The following DENND1A variants were observed in gnomAD, a reference collection of about 807,000 sequenced individuals.
DENND1A encodes the protein DENN domain-containing protein 1A.
DENND1A carries 51 observed loss-of-function variants against 113.7 expected under a neutral mutation model. That is an observed-to-expected ratio of 0.45 (90% CI 0.36 to 0.57). DENND1A has a LOEUF of 0.57. DENND1A is among the 20% of genes least tolerant of loss of function. The pLI is 0.00. For synonymous variants in DENND1A, 565 were observed against 570.8 expected (o/e 0.99, Z 0.14); for missense variants, 1,258 against 1,395.9 (o/e 0.90, Z 1.57).
intron 5 of DENND1A, among the ~76,000 whole-genome samples, chr9:123,731,028 G>C (rs10118838): frequency 6.6e-6 from 1 of 151,944 alleles, no homozygotes; most frequent in Non-Finnish European, 1.5e-5. Context: ...AACACTGCAT[G>C]TTTTCACTCA....
intron 2 of DENND1A, among the ~76,000 whole-genome samples, chr9:123,803,658 C>T (rs534773790): frequency 2.6e-5 from 4 of 152,326 alleles, no homozygotes; most frequent in East Asian, 1.9e-4. Context: ...ACCAATCCTC[C>T]TGTTTTATTC....
At chr9:123,751,806 GC>G (rs1353523817) in intron 5 of DENND1A, 1 of 152,144 alleles carries the variant, frequency 6.6e-6, no homozygotes, top group Non-Finnish European at 1.5e-5. Context: ...CTCCAGCCAA[GC>G]CCCCACTCAT....
chr9:123,518,038 C>T (rs1289870477), intron 13 of DENND1A, among the ~76,000 whole-genome samples: 1 of 151,518 alleles, frequency 6.6e-6, no homozygotes, highest in Non-Finnish European at 1.5e-5. Context: ...CCCTTTTTTC[C>T]TGGCATAAAT....
chr9:123,470,294 A>G (rs879607524), intron 13 of DENND1A, among the ~76,000 whole-genome samples: 3 of 151,932 alleles, frequency 2.0e-5, no homozygotes, highest in Non-Finnish European at 4.4e-5. Context: ...CTCTCTCCCT[A>G]GCACAGAAAC....
At chr9:123,618,468 G>T (rs754226493) in intron 10 of DENND1A, among the ~76,000 whole-genome samples, 1 of 152,228 alleles carries the variant, frequency 6.6e-6, no homozygotes, top group Non-Finnish European at 1.5e-5. Context: ...GTAGGCAGGA[G>T]TCGGGGCCAG....
At chr9:123,468,947 C>T (rs2049173801) in intron 13 of DENND1A, among the ~76,000 whole-genome samples, 1 of 152,220 alleles carries the variant, frequency 6.6e-6, no homozygotes, top group Non-Finnish European at 1.5e-5. Context: ...AAGGGATGCC[C>T]ATACAGGTGA....
chr9:123,390,624 G>C (rs1036404723), intron 21 of DENND1A, among the ~76,000 whole-genome samples: 1 of 152,234 alleles, frequency 6.6e-6, no homozygotes, highest in African/African-American at 2.4e-5. Context: ...GAGGCGCTTT[G>C]AGCCTACTTG....
intron 21 of DENND1A, among the ~76,000 whole-genome samples, chr9:123,390,607 C>G (rs1441342170): frequency 6.6e-6 from 1 of 152,244 alleles, no homozygotes; most frequent in Non-Finnish European, 1.5e-5. Flanking sequence ...TCTGTGCACC[C>G]AACCAAGAGG....
rs1268708312 is a variant in DENND1A, at chr9:123,878,932, A to C, written c.88+19T>G. 1 of 1,613,130 alleles carries C rather than the reference A, an allele frequency of 6.2e-7. No homozygotes were observed. Among genetic ancestry groups the C allele is most frequent in the Non-Finnish European group, 8.5e-7 (1 of 1,179,236 alleles). ...AACAATAAGTAACACACCATATCAT[A>C]ATCAAACATGCAAAGTACCTGAAAG... On this transcript the variant is annotated intron_variant, in intron 2 of 23. Coordinates refer to ENST00000394215, the MANE Select transcript of DENND1A (RefSeq NM_001352964.2).
intron 22 of DENND1A, among the ~76,000 whole-genome samples, chr9:123,385,810 C>T (rs1247841293): frequency 2.0e-5 from 3 of 152,214 alleles, no homozygotes; most frequent in African/African-American, 4.8e-5. Context: ...GCTTGAGAGG[C>T]TTCAAACGTC....
chr9:123,382,048 G>A lies in DENND1A; in HGVS notation c.2597C>T (p.Pro866Leu), dbSNP rs746263087. 2.7e-5 allele frequency: 40 copies of A among 1,497,746 alleles called. No homozygotes were observed. The highest frequency in any genetic ancestry group is 3.1e-5 in the Non-Finnish European group (35 of 1,126,136). The allele number at this position is 1,497,746 out of a possible 1,614,324, so 92.8% of individuals were successfully genotyped here. ...GGGGGTGAATGGGGTGGCTACATTC[G>A]GGGTGGCGGGGCGTGACGGGAGGGT... ...GSTLPSRPAT[P>L]NVATPFTPQF... Residue 866 changes from proline (P) to leucine (L), a missense_variant, in exon 24 of 24, where the codon CCG (proline) becomes CTG (leucine). By Grantham distance (98) the Pro-to-Leu change is moderately conservative. This residue lies in a region of DENND1A where 1,159 missense variants were observed against 1,231.7 expected (regional missense o/e 0.94). Transcript: ENST00000394215.
chr9:123,767,048 A>C (rs1047164315), intron 4 of DENND1A, among the ~76,000 whole-genome samples: 1 of 152,210 alleles, frequency 6.6e-6, no homozygotes, highest in Non-Finnish European at 1.5e-5. Context: ...ATATTTTCTA[A>C]GTCAAACAAT....
chr9:123,738,643 T>C (rs968772058), intron 5 of DENND1A, among the ~76,000 whole-genome samples: 4 of 152,208 alleles, frequency 2.6e-5, no homozygotes, highest in Non-Finnish European at 5.9e-5. Context: ...GCTGAAAGAA[T>C]TGGCTACTGG....
At chr9:123,827,778 T>C (rs570570777) in intron 2 of DENND1A, among the ~76,000 whole-genome samples, 3 of 152,076 alleles carry the variant, frequency 2.0e-5, no homozygotes, top group Admixed American at 6.6e-5. Context: ...AAAAAGGAAA[T>C]AGATGAATCC....
chr9:123,689,056 G>A (rs2065002639), intron 5 of DENND1A, among the ~76,000 whole-genome samples: 1 of 152,134 alleles, frequency 6.6e-6, no homozygotes, highest in Admixed American at 6.6e-5. Flanking sequence ...ACAGAGTCTT[G>A]CTCTGTTGCC....
rs1006043868 is a variant in DENND1A, at chr9:123,818,024, T to TA, written c.89-25395dup. Among the ~76,000 whole-genome samples, 600 of 147,378 alleles carry TA rather than the reference T, an allele frequency of 4.1e-3. 6 individuals carry two copies. The highest frequency in any genetic ancestry group is 0.013 in the African/African-American group (527 of 40,236). On this transcript the variant is annotated intron_variant, in intron 2 of 23. Coordinates refer to ENST00000394215, the MANE Select transcript of DENND1A (RefSeq NM_001352964.2). ...CCTGACCAACAGAGTGAGACTCCGT[T>TA]AAAAAAAAAAGAAAAGAAATATACT...
At chr9:123,453,622 A>T (rs1369794241) in intron 16 of DENND1A, among the ~76,000 whole-genome samples, 1 of 152,192 alleles carries the variant, frequency 6.6e-6, no homozygotes, top group Non-Finnish European at 1.5e-5. Context: ...GGTGGTTTAA[A>T]AAAACTGATT....
intron 8 of DENND1A, among the ~76,000 whole-genome samples, chr9:123,660,620 T>C (rs2063186782): frequency 6.6e-6 from 1 of 152,236 alleles, no homozygotes; most frequent in Admixed American, 6.5e-5. Flanking sequence ...CATAACATTA[T>C]TTATAGAAAA....
intron 2 of DENND1A, among the ~76,000 whole-genome samples, chr9:123,814,523 C>T (rs1837149575): frequency 6.6e-6 from 1 of 152,084 alleles, no homozygotes; most frequent in Non-Finnish European, 1.5e-5. Flanking sequence ...TCAAAAAATT[C>T]ATTAAGCATA....
Sources: gnomAD v4.1 joint callset for allele counts (sites outside exome capture counted in the v4.1 genomes callset) on GRCh38, gnomAD v4.1.1 for gene constraint, gnomAD v4.1.1 regional missense constraint, MANE v1.5 for transcripts, NCBI Gene and HGNC (gene_info 2026-07-23, HGNC 2026-07-21) for gene names.